IAH1: variants seen among roughly 807,000 people sequenced by gnomAD.
The protein encoded by IAH1 is isoamyl acetate-hydrolyzing esterase 1 homolog.
A neutral mutation model predicts 26.7 loss-of-function variants in IAH1; 24 were observed. The ratio of observed to expected loss-of-function variants is 0.90; its 90% CI spans 0.65 to 1.26. The LOEUF (loss-of-function observed/expected upper bound fraction) is 1.26, where lower values mean the gene tolerates loss of function less well. Among genes scored for constraint, IAH1 ranks in the 50% most tolerant of loss-of-function variants. The pLI is 0.00. For synonymous variants in IAH1, 140 were observed against 118.5 expected (o/e 1.18, Z -1.18); for missense variants, 300 against 299.9 (o/e 1.00, Z 0.00).
intron 6 of IAH1, among the ~76,000 whole-genome samples, chr2:9,495,300 A>G (rs1447671826): frequency 2.0e-5 from 3 of 152,276 alleles, no homozygotes; most frequent in Admixed American, 6.5e-5. Flanking sequence ...ACAGGATAAA[A>G]CACCGGGCAT....
the IAH1 span, among the ~76,000 whole-genome samples, chr2:9,510,733 G>A: frequency 6.6e-6 from 1 of 151,794 alleles, no homozygotes; most frequent in Non-Finnish European, 1.5e-5. Flanking sequence ...TTGGGAGGCT[G>A]AGGTGAGAGT....
chr2:9,487,849 C>T (rs71437665), intron 5 of IAH1, among the ~76,000 whole-genome samples: 33,790 of 146,426 alleles, frequency 0.23, 4,631 homozygotes, highest in Middle Eastern at 0.33. Context: ...CGCGCGCGCG[C>T]GCTGTGGGGG....
chr2:9,481,382 G>A lies in IAH1; in HGVS notation c.380G>A (p.Arg127Gln), dbSNP rs1189839266. The change falls in exon 4 of 6, where the codon CGA becomes CAA. Residue 127 changes from arginine (R) to glutamine (Q), a missense_variant. Coordinates refer to ENST00000497473, the MANE Select transcript of IAH1 (RefSeq NM_001039613.3). ...AAGTCCGTGGACATCCCTGAGAATC[G>A]AGTCATTCTCATCACGCCGACCCCA... Reference protein sequence around the residue: ...YLKSVDIPENRVILITPTPLC... With the variant: ...YLKSVDIPENQVILITPTPLC... 8 of 1,613,906 alleles carry A rather than the reference G, an allele frequency of 5.0e-6. No homozygotes were observed. The highest frequency in any genetic ancestry group is 3.3e-4 in the Middle Eastern group (2 of 6,084).
At chr2:9,508,316 C>G in the IAH1 span, among the ~76,000 whole-genome samples, 5 of 152,186 alleles carry the variant, frequency 3.3e-5, no homozygotes, top group African/African-American at 1.2e-4. Context: ...CCGTGCCCCT[C>G]ACCAGCTTCA....
chr2:9,506,805 T>G, the IAH1 span: 1 of 152,224 alleles, frequency 6.6e-6, no homozygotes, highest in South Asian at 2.1e-4. Flanking sequence ...GGAGTTAAAA[T>G]TCACAGTGAA....
intron 5 of IAH1, 109 bp downstream of exon 5, chr2:9,484,659 A>G: frequency 1.4e-6 from 1 of 717,586 alleles, no homozygotes; most frequent in South Asian, 1.7e-5. Context: ...TAAGACAGTC[A>G]TCCCTTTAGC....
the IAH1 span, chr2:9,505,373 G>T: frequency 6.2e-7 from 1 of 1,611,684 alleles, no homozygotes; most frequent in Non-Finnish European, 8.5e-7. Flanking sequence ...CATCTTGAGA[G>T]AAAAAAGGCA....
At chr2:9,493,970 C>T (rs10200038), downstream of IAH1, 622 of 619,326 alleles carry the variant, frequency 1.0e-3, 3 homozygotes, top group African/African-American at 0.011. Flanking sequence ...ATAACTTCCG[C>T]GTAATGAGTA....
At position 9,478,290 on chromosome 2, in the gene IAH1, G is replaced by C. The variant is rs1241246679; in HGVS notation, c.203G>C (p.Arg68Thr). The change falls in exon 3 of 6, where the codon AGA becomes ACA. Residue 68 changes from arginine (R) to threonine (T), a missense_variant. Transcript: ENST00000497473. ...NTRWAKIILP[R>T]LIRKGNSLDI... The stretch of plus-strand genomic sequence containing the variant: ...AGGTGGGCCAAAATTATCCTTCCAA[G>C]ATTAATCAGGAAAGGAAACAGTTTG... 2 of 1,613,300 alleles carry C rather than the reference G, an allele frequency of 1.2e-6. No individual in the cohort carries two copies. Among genetic ancestry groups the C allele is most frequent in the Non-Finnish European group, 1.7e-6 (2 of 1,179,620 alleles).
the IAH1 span, among the ~76,000 whole-genome samples, chr2:9,506,483 C>T: frequency 1.3e-5 from 2 of 150,084 alleles, no homozygotes; most frequent in African/African-American, 4.9e-5. Flanking sequence ...TCTTCTGCCT[C>T]AGCCTCCTGA....
intron 5 of IAH1, among the ~76,000 whole-genome samples, chr2:9,487,091 G>C (rs1661543508): frequency 6.6e-6 from 1 of 151,994 alleles, no homozygotes; most frequent in Non-Finnish European, 1.5e-5. Flanking sequence ...AAATTAGCCA[G>C]GTAGCCAGGT....
chr2:9,490,529 A>G (rs79715435), downstream of IAH1: 1,315 of 1,604,852 alleles, frequency 8.2e-4, 10 homozygotes, highest in East Asian at 0.018. Flanking sequence ...CTGCAAAGAC[A>G]TGGGTTCAAT....
At chr2:9,490,515 C>T (rs1264887161), downstream of IAH1, 6 of 1,609,712 alleles carry the variant, frequency 3.7e-6, no homozygotes, top group Non-Finnish European at 5.1e-6. Context: ...AGCATTTCGA[C>T]GTTCTGCAAA....
chr2:9,493,947 T>C (rs1367142606), downstream of IAH1: 3 of 740,592 alleles, frequency 4.1e-6, no homozygotes, highest in Non-Finnish European at 4.3e-6. Flanking sequence ...TTTCCCATCT[T>C]TGACACAAGG....
intron 3 of IAH1, among the ~76,000 whole-genome samples, chr2:9,479,626 C>A (rs775597865): frequency 6.6e-6 from 1 of 151,990 alleles, no homozygotes; most frequent in Non-Finnish European, 1.5e-5. Flanking sequence ...ACAGCTGACA[C>A]GCATGAAATA....
Position 9,478,308 on chromosome 2 carries a change from A to C in IAH1, c.221A>C (p.Asn74Thr). 6.2e-7 allele frequency: 1 copy of C among 1,613,712 alleles called. No individual in the cohort carries two copies. Among genetic ancestry groups the C allele is most frequent in the South Asian group, 1.1e-5 (1 of 90,990 alleles). The part of the protein sequence containing the change: ...IILPRLIRKG[N>T]SLDIPVAVTI... ...CTTCCAAGATTAATCAGGAAAGGAA[A>C]CAGTTTGGACATCCCAGTAGCAGTT... is the stretch of plus-strand genomic sequence containing the variant. Residue 74 changes from asparagine (N) to threonine (T), a missense_variant, in exon 3 of 6, where the codon AAC becomes ACC. Asn to Thr is a moderately conservative substitution (Grantham distance 65, BLOSUM62 0). Coordinates refer to ENST00000497473, the MANE Select transcript of IAH1 (RefSeq NM_001039613.3).
the IAH1 span, among the ~76,000 whole-genome samples, chr2:9,511,979 T>TAAATA: frequency 2.9e-4 from 43 of 147,364 alleles, no homozygotes; most frequent in African/African-American, 7.9e-4. Flanking sequence ...TTAAAATAAA[T>TAAATA]AAATAAAATA....
chr2:9,490,629 C>T (rs147722775), downstream of IAH1: 8,276 of 1,202,288 alleles, frequency 6.9e-3, 47 homozygotes, highest in Admixed American at 0.018. Flanking sequence ...CACTGTGATG[C>T]TAAGAAAAAA....
At chr2:9,488,042 A>C (rs1347198138) in intron 5 of IAH1, 105 bp from the exon 6 acceptor site, 1 of 769,074 alleles carries the variant, frequency 1.3e-6, no homozygotes, top group Non-Finnish European at 2.0e-6. Flanking sequence ...AGGGTCTCAA[A>C]CTCCTGTCTT....
Sources: allele counts gnomAD v4.1 joint callset (sites outside exome capture counted in the v4.1 genomes callset), GRCh38; gene constraint gnomAD v4.1.1; transcripts MANE v1.5; gene names NCBI Gene and HGNC (gene_info 2026-07-23, HGNC 2026-07-21).